Variants in EMILIN2 observed in about 807,000 individuals in gnomAD.
EMILIN2 encodes the protein elastin microfibril interfacer 2, also known as EMILIN-2.
EMILIN2 carries 71 observed loss-of-function variants against 87.1 expected under a neutral mutation model. That is an observed-to-expected ratio of 0.82 (90% CI 0.67 to 0.99). The LOEUF is 0.99. Ranked by LOEUF, EMILIN2 falls within the 50% of genes least tolerant of loss-of-function variation. The pLI is 0.00. For synonymous variants in EMILIN2, 581 were observed against 563.4 expected (o/e 1.03, Z -0.44); for missense variants, 1,407 against 1,371.8 (o/e 1.03, Z -0.40).
chr18:2,868,221 T>A (rs1293705336), intron 2 of EMILIN2, among the ~76,000 whole-genome samples: 1 of 150,160 alleles, frequency 6.7e-6, no homozygotes, highest in Non-Finnish European at 1.5e-5. Context: ...GCAGAGGCGC[T>A]CCCCACATCT....
intron 2 of EMILIN2, among the ~76,000 whole-genome samples, chr18:2,874,158 G>A (rs583523): frequency 0.65 from 98,244 of 152,002 alleles, 32,150 homozygotes; most frequent in Non-Finnish European, 0.69. Context: ...CACCGCTCCC[G>A]TTTAAGAGCA....
chr18:2,847,091 T>A lies in EMILIN2; in HGVS notation c.-98T>A, dbSNP rs942057732. 23 of 1,074,340 alleles carry A rather than the reference T, an allele frequency of 2.1e-5. No individual in the cohort carries two copies. Among genetic ancestry groups the A allele is most frequent in the Non-Finnish European group, 2.5e-5 (22 of 880,380 alleles). The allele number at this position is 1,074,340 out of a possible 1,614,324, so 66.6% of individuals were successfully genotyped here. A position where few individuals can be genotyped will look rare whatever the true frequency, so the allele number is the denominator to read the frequency against. On this transcript the variant is annotated 5_prime_UTR_variant, in exon 1 of 8. Coordinates refer to ENST00000254528, the MANE Select transcript of EMILIN2 (RefSeq NM_032048.3). The surrounding 1 kb of genome is among the most constrained non-coding windows in gnomAD (Gnocchi z 4.5). The stretch of plus-strand genomic sequence containing the variant: ...CGCGAAGCGCCCGAGCCTCTTGCCT[T>A]CGCGGGCGGCGCCCTGGCCGCCGGC...
chr18:2,878,483 CT>C (rs201595782), intron 2 of EMILIN2, among the ~76,000 whole-genome samples: 2,400 of 150,638 alleles, frequency 0.016, 54 homozygotes, highest in African/African-American at 0.053. Flanking sequence ...GAGTGAGACT[CT>C]GTCTCAAGGA....
chr18:2,889,228 C>G (rs1277487742), intron 3 of EMILIN2, among the ~76,000 whole-genome samples: 1 of 149,850 alleles, frequency 6.7e-6, no homozygotes, highest in African/African-American at 2.5e-5. Context: ...ACCTCCGCCT[C>G]CTGGGTTCAA....
chr18:2,864,043 C>G (rs1044774611), intron 2 of EMILIN2, among the ~76,000 whole-genome samples: 1 of 152,026 alleles, frequency 6.6e-6, no homozygotes, highest in Middle Eastern at 3.2e-3. Context: ...GGATTGCATC[C>G]CCTGCCTTTT....
At chr18:2,902,909 T>C (rs927591902) in intron 4 of EMILIN2, among the ~76,000 whole-genome samples, 5 of 151,910 alleles carry the variant, frequency 3.3e-5, no homozygotes, top group African/African-American at 1.2e-4. Context: ...CAAGGGCGGA[T>C]TTCAGAGGAA....
chr18:2,907,465 C>T (rs963190199), intron 5 of EMILIN2, among the ~76,000 whole-genome samples: 1 of 152,200 alleles, frequency 6.6e-6, no homozygotes, highest in Admixed American at 6.5e-5. Flanking sequence ...GGCTGTCTAC[C>T]ACGGGCTTCG....
At chr18:2,901,532 G>A (rs767870690) in intron 4 of EMILIN2, among the ~76,000 whole-genome samples, 9 of 152,216 alleles carry the variant, frequency 5.9e-5, no homozygotes, top group South Asian at 2.1e-4. Context: ...ATCCCTACAC[G>A]TCAGGTTCAC....
At chr18:2,865,421 T>C (rs1439095611) in intron 2 of EMILIN2, among the ~76,000 whole-genome samples, 2 of 152,250 alleles carry the variant, frequency 1.3e-5, no homozygotes, top group Admixed American at 6.5e-5. Flanking sequence ...TTAGTTTTCC[T>C]TCTAACAGTC....
intron 2 of EMILIN2, among the ~76,000 whole-genome samples, chr18:2,862,924 T>TCAA (rs1489266531): frequency 1.3e-5 from 2 of 152,236 alleles, no homozygotes; most frequent in Non-Finnish European, 2.9e-5. Context: ...ATTCAGAGAT[T>TCAA]CAACTTCTTC....
At position 2,891,475 on chromosome 18, in the gene EMILIN2, T is replaced by C. The variant is rs1186076890; in HGVS notation, c.1348T>C (p.Trp450Arg). 6.2e-7 allele frequency: 1 copy of C among 1,614,040 alleles called. No individual in the cohort carries two copies. The highest frequency in any genetic ancestry group is 1.7e-5 in the Admixed American group (1 of 59,990). ...PEPDVDFDAK[W>R]NELDARINVT... is the part of the protein sequence containing the mutation. ...GCCAGATGTGGATTTTGATGCAAAATGGAATGAACTCGATGCAAGGATCAA... is the reference window on the plus strand; with the variant it reads ...GCCAGATGTGGATTTTGATGCAAAACGGAATGAACTCGATGCAAGGATCAA... The change falls in exon 4 of 8, where the codon TGG becomes CGG. Residue 450 changes from tryptophan (W) to arginine (R), a missense_variant. Physicochemically the swap from Trp to Arg is moderately radical, Grantham distance 101 (BLOSUM62 -3). Coordinates refer to ENST00000254528, the MANE Select transcript of EMILIN2 (RefSeq NM_032048.3). The surrounding 1 kb of genome is among the most constrained non-coding windows in gnomAD (Gnocchi z 4.6).
At chr18:2,885,697 T>G (rs775193262) in intron 3 of EMILIN2, among the ~76,000 whole-genome samples, 24 of 152,080 alleles carry the variant, frequency 1.6e-4, no homozygotes, top group African/African-American at 4.3e-4. Flanking sequence ...TTTGTACTTT[T>G]GGTAGAGATG....
Position 2,913,202 on chromosome 18 carries a change from G to T in EMILIN2, c.2960G>T (p.Arg987Ile), listed in dbSNP as rs1251257689. ...VAQLHTAGYR[R>I]EFLEYHRPPG... is the part of the protein sequence containing the mutation. Reference sequence around the variant, plus strand: ...CAGCTGCATACCGCTGGGTACAGGAGAGAGTTCCTGGAATACCACCGCCCT... The same window carrying T: ...CAGCTGCATACCGCTGGGTACAGGATAGAGTTCCTGGAATACCACCGCCCT... Residue 987 changes from arginine to isoleucine, a missense_variant, in exon 8 of 8, where the codon AGA becomes ATA. Arg to Ile is a moderately conservative substitution (Grantham distance 97, BLOSUM62 -3). Coordinates refer to ENST00000254528, the MANE Select transcript of EMILIN2 (RefSeq NM_032048.3). The T allele has an allele frequency of 4.3e-6, 7 of 1,614,024 alleles. No individual in the cohort carries two copies. The highest frequency in any genetic ancestry group is 3.3e-5 in the Admixed American group (2 of 60,014).
At chr18:2,874,334 T>C (rs1598491891) in intron 2 of EMILIN2, among the ~76,000 whole-genome samples, 1 of 152,182 alleles carries the variant, frequency 6.6e-6, no homozygotes, top group African/African-American at 2.4e-5. Flanking sequence ...GGACTCCAGG[T>C]GTGCACCACT....
intron 2 of EMILIN2, among the ~76,000 whole-genome samples, chr18:2,865,157 T>TTTGAA (rs200137639): frequency 0.044 from 6,633 of 152,160 alleles, 481 homozygotes; most frequent in African/African-American, 0.15. Flanking sequence ...TTGCCATGGG[T>TTTGAA]TTGAACTTCC....
intron 2 of EMILIN2, among the ~76,000 whole-genome samples, chr18:2,861,432 G>A (rs2076660488): frequency 6.6e-6 from 1 of 152,210 alleles, no homozygotes; most frequent in Admixed American, 6.5e-5. Context: ...AAGGGATGCA[G>A]TTTCAGCTTT....
At chr18:2,865,745 T>C (rs1364948019) in intron 2 of EMILIN2, among the ~76,000 whole-genome samples, 2 of 152,200 alleles carry the variant, frequency 1.3e-5, no homozygotes, top group Non-Finnish European at 2.9e-5. Context: ...GCTGTCAGAC[T>C]GGGACATTTA....
At chr18:2,886,081 G>GGAAAGAGAGT (rs2076802052) in intron 3 of EMILIN2, among the ~76,000 whole-genome samples, 1 of 152,154 alleles carries the variant, frequency 6.6e-6, no homozygotes, top group African/African-American at 2.4e-5. Flanking sequence ...TTTTGTTATA[G>GGAAAGAGAGT]AACCTTACTC....
chr18:2,915,796 T>A lies in EMILIN2; in HGVS notation c.*2392T>A, dbSNP rs1410677919. 1 of 152,326 alleles carries A rather than the reference T, an allele frequency of 6.6e-6. No homozygotes were observed. The allele number at this position is 152,326 out of a possible 1,614,324, so 9.4% of individuals were successfully genotyped here. A position where few individuals can be genotyped will look rare whatever the true frequency, so the allele number is the denominator to read the frequency against. ...CCTCGGCCTCCCAAAGTGCTGGGAT[T>A]ACAGGTATGAGCCACCACGCCCAGC... On this transcript the variant is annotated 3_prime_UTR_variant, in exon 8 of 8. Coordinates refer to ENST00000254528, the MANE Select transcript of EMILIN2 (RefSeq NM_032048.3).
Sources: gnomAD v4.1 joint callset for allele counts (sites outside exome capture counted in the v4.1 genomes callset) on GRCh38, gnomAD v4.1.1 for gene constraint, Gnocchi (gnomAD v3.1) non-coding constraint, MANE v1.5 for transcripts, NCBI Gene and HGNC (gene_info 2026-07-23, HGNC 2026-07-21) for gene names.